Variants in UGGT2 observed in about 807,000 individuals in gnomAD.
The protein encoded by UGGT2 is UDP-glucose:glycoprotein glucosyltransferase 2.
Under a neutral mutation model 192.1 loss-of-function variants are expected in UGGT2, and 180 were observed. The observed-to-expected ratio is 0.94, with a 90% CI of 0.83 to 1.06. UGGT2 has a LOEUF of 1.06. Ranked by LOEUF, UGGT2 falls within the 50% of genes least tolerant of loss-of-function variation. UGGT2 has a pLI of 0.00. For synonymous variants in UGGT2, 580 were observed against 591.0 expected (o/e 0.98, Z 0.27); for missense variants, 1,849 against 1,795.7 (o/e 1.03, Z -0.54).
At position 96,053,139 on chromosome 13, in the gene UGGT2, C is replaced by T. The variant is rs1284298153; in HGVS notation, c.158+16G>A. 1.5e-5 allele frequency: 22 copies of T among 1,487,478 alleles called. No homozygotes were observed. The highest frequency in any genetic ancestry group is 1.9e-5 in the Non-Finnish European group (21 of 1,121,666). 92.1% of individuals were successfully genotyped at this position (1,487,478 alleles called of 1,614,324 possible). A position where few individuals can be genotyped will look rare whatever the true frequency, so the allele number is the denominator to read the frequency against. On this transcript the variant is annotated intron_variant, in intron 1 of 38. Coordinates refer to ENST00000376747, the MANE Select transcript of UGGT2 (RefSeq NM_020121.4). ...GCGCCCACACCCGCCCGGACGAGGG[C>T]CCGGCCCGCACCCACCTTGCCTCCA...
chr13:95,991,680 T>C (rs1373678468), intron 7 of UGGT2, among the ~76,000 whole-genome samples: 1 of 152,166 alleles, frequency 6.6e-6, no homozygotes, highest in Non-Finnish European at 1.5e-5. Flanking sequence ...AAGCAAACAT[T>C]TCCTTTTTCA....
chr13:96,022,563 CA>C (rs11333224), intron 4 of UGGT2, among the ~76,000 whole-genome samples: 8,313 of 150,336 alleles, frequency 0.055, 347 homozygotes, highest in East Asian at 0.19. Flanking sequence ...AATAATCAGG[CA>C]AAAAAAATAT....
Position 96,016,715 on chromosome 13 carries a change from G to C in UGGT2, c.486-3234C>G, listed in dbSNP as rs147146855. ...AGATATTCTACTAGGGCAGTGCATA[G>C]AGGAAATGTGGGGTTGGAACGCCCA... On this transcript the variant is annotated intron_variant, in intron 4 of 38. Transcript: ENST00000376747. Among the ~76,000 whole-genome samples the C allele has an allele frequency of 4.1e-3, 630 of 152,346 alleles. 1 individual carries two copies. Among genetic ancestry groups the C allele is most frequent in the Non-Finnish European group, 8.1e-3 (548 of 68,028 alleles).
chr13:95,847,678 G>A (rs755814060), intron 36 of UGGT2, among the ~76,000 whole-genome samples: 4 of 152,230 alleles, frequency 2.6e-5, no homozygotes, highest in Middle Eastern at 3.4e-3. Flanking sequence ...TGGTCTGGAT[G>A]TACCCGTTTC....
chr13:95,826,908 A>T (rs532995808), intron 38 of UGGT2, among the ~76,000 whole-genome samples: 2 of 152,284 alleles, frequency 1.3e-5, no homozygotes, highest in South Asian at 2.1e-4. Flanking sequence ...AAGAAGAGTA[A>T]TAAGGAAAGG....
At chr13:95,928,047 T>C (rs2049088590) in intron 17 of UGGT2, among the ~76,000 whole-genome samples, 1 of 151,916 alleles carries the variant, frequency 6.6e-6, no homozygotes, top group Admixed American at 6.6e-5. Flanking sequence ...CAAAATGGAG[T>C]CTCCTATGCC....
intron 35 of UGGT2, 86 bp downstream of exon 35, chr13:95,854,228 GA>G: frequency 1.4e-6 from 2 of 1,449,122 alleles, no homozygotes; most frequent in Non-Finnish European, 1.9e-6. Flanking sequence ...TAATTTTTAA[GA>G]AAACTGTGTA....
At chr13:96,040,356 A>G (rs1474183590) in intron 1 of UGGT2, among the ~76,000 whole-genome samples, 1 of 152,042 alleles carries the variant, frequency 6.6e-6, no homozygotes, top group Non-Finnish European at 1.5e-5. Flanking sequence ...CCTAACTCCA[A>G]TCTCTAACTT....
chr13:95,865,839 C>T (rs897572015), intron 30 of UGGT2, among the ~76,000 whole-genome samples: 1 of 152,136 alleles, frequency 6.6e-6, no homozygotes, highest in South Asian at 2.1e-4. Context: ...TTTTATTTAT[C>T]CAACAAATAC....
intron 37 of UGGT2, among the ~76,000 whole-genome samples, chr13:95,836,141 C>G (rs1566566326): frequency 1.3e-5 from 2 of 152,128 alleles, no homozygotes; most frequent in African/African-American, 4.8e-5. Flanking sequence ...CTCTGCCTCC[C>G]AGGTTCAAGC....
In UGGT2 at chr13:95,917,560, C is replaced by T. The variant is rs894714675; in HGVS notation, c.2295+8120G>A. Among the ~76,000 whole-genome samples, 4 of 152,072 alleles carry T rather than the reference C, an allele frequency of 2.6e-5. No individual in the cohort carries two copies. The South Asian group carries it at 8.3e-4, about 31-fold the overall frequency. The stretch of plus-strand genomic sequence containing the variant: ...ATGACAGTATCAAATTCACACATAA[C>T]AATACTAACCTTAAATGCAAATGGG... On this transcript the variant is annotated intron_variant, in intron 20 of 38. Coordinates refer to ENST00000376747, the MANE Select transcript of UGGT2 (RefSeq NM_020121.4).
At chr13:95,824,176 T>A (rs1230955803) in intron 38 of UGGT2, among the ~76,000 whole-genome samples, 1 of 152,142 alleles carries the variant, frequency 6.6e-6, no homozygotes, top group Non-Finnish European at 1.5e-5. Flanking sequence ...GTCGGATAGG[T>A]TTTCTCTTAC....
chr13:95,985,589 T>C (rs769490669), intron 9 of UGGT2, among the ~76,000 whole-genome samples: 2 of 152,152 alleles, frequency 1.3e-5, no homozygotes, highest in African/African-American at 4.8e-5. Flanking sequence ...TAAAACACCA[T>C]TGTTGCCCAT....
At chr13:96,048,916 G>T (rs1027781564) in intron 1 of UGGT2, among the ~76,000 whole-genome samples, 20 of 152,078 alleles carry the variant, frequency 1.3e-4, no homozygotes, top group South Asian at 2.1e-4. Flanking sequence ...AAGAGGAGCT[G>T]GTACCATTCT....
chr13:96,004,794 A>C (rs1408241397), intron 5 of UGGT2, among the ~76,000 whole-genome samples: 1 of 151,956 alleles, frequency 6.6e-6, no homozygotes, highest in Non-Finnish European at 1.5e-5. Context: ...TTTTATAAGC[A>C]TTGTATCCTT....
chr13:96,004,603 C>T (rs2051911922), intron 5 of UGGT2, among the ~76,000 whole-genome samples: 1 of 151,952 alleles, frequency 6.6e-6, no homozygotes, highest in African/African-American at 2.4e-5. Flanking sequence ...TTAGTGTATA[C>T]ATGTGCCATG....
intron 36 of UGGT2, among the ~76,000 whole-genome samples, chr13:95,849,542 C>CA (rs35734084): frequency 0.03 from 3,112 of 103,812 alleles, 48 homozygotes; most frequent in African/African-American, 0.057. Context: ...GACTCTGTCT[C>CA]AAAAAAAAAA....
In UGGT2 at chr13:95,884,534, G is replaced by A; in HGVS notation, c.3185C>T (p.Thr1062Ile). The A allele has an allele frequency of 1.2e-6, 2 of 1,613,870 alleles. No homozygotes were observed. Among genetic ancestry groups the A allele is most frequent in the Non-Finnish European group, 1.7e-6 (2 of 1,179,912 alleles). The change falls in exon 27 of 39, where the codon ACA (threonine) becomes ATA (isoleucine). Residue 1062 changes from threonine to isoleucine, a missense_variant. Thr to Ile is a moderately conservative substitution (Grantham distance 89, BLOSUM62 -1). Coordinates refer to ENST00000376747, the MANE Select transcript of UGGT2 (RefSeq NM_020121.4). ...ATCAAGGTCACAGTTGCTGTGCACTGTTTCAACCAACCAGCCTTCTGGAGT... is the reference window on the plus strand; with the variant it reads ...ATCAAGGTCACAGTTGCTGTGCACTATTTCAACCAACCAGCCTTCTGGAGT... Reference protein sequence around the residue: ...MITPEGWLVETVHSNCDLDNI... With the variant: ...MITPEGWLVEIVHSNCDLDNI...
chr13:95,922,790 T>A (rs2140412675), intron 20 of UGGT2, among the ~76,000 whole-genome samples: 1 of 152,092 alleles, frequency 6.6e-6, no homozygotes, highest in South Asian at 2.1e-4. Flanking sequence ...ACCATTGTAC[T>A]CCAGCCTCAA....
Sources: allele counts gnomAD v4.1 joint callset (sites outside exome capture counted in the v4.1 genomes callset), GRCh38; gene constraint gnomAD v4.1.1; transcripts MANE v1.5; gene names NCBI Gene and HGNC (gene_info 2026-07-23, HGNC 2026-07-21).